Variants in PITPNM3 observed in about 807,000 individuals in gnomAD.
PITPNM3 encodes PITPNM family member 3.
In PITPNM3, 26 loss-of-function variants were observed where a neutral mutation model predicts 102.0. That is an observed-to-expected ratio of 0.25 (90% CI 0.19 to 0.35). The LOEUF (loss-of-function observed/expected upper bound fraction) is 0.35. Among genes scored for constraint, PITPNM3 ranks in the 10% least tolerant of loss-of-function variants. PITPNM3 has a pLI of 1.00. For missense variants in PITPNM3, 1,083 were observed against 1,346.1 expected, an observed-to-expected ratio of 0.80 and a Z score of 3.06; for synonymous variants, 578 against 558.6, an observed-to-expected ratio of 1.03 and a Z score of -0.49.
At position 6,478,132 on chromosome 17, in the gene PITPNM3, C is replaced by T; in HGVS notation, c.778-35G>A. 6.2e-7 allele frequency: 1 copy of T among 1,611,180 alleles called. No individual in the cohort carries two copies. Among genetic ancestry groups the T allele is most frequent in the East Asian group, 2.2e-5 (1 of 44,874 alleles). ...ATGCAGCTGGGACTGCAGGCCTGCC[C>T]ACTGCTGACCCCTCACCCCCACACC... On this transcript the variant is annotated intron_variant, in intron 7 of 19. Coordinates refer to ENST00000262483, the MANE Select transcript of PITPNM3 (RefSeq NM_031220.4). This position sits in a 1 kb window ranked among gnomAD's most constrained non-coding sequence, Gnocchi z 4.4.
chr17:6,525,930 G>A (rs1186532292), intron 2 of PITPNM3, among the ~76,000 whole-genome samples: 1 of 152,236 alleles, frequency 6.6e-6, no homozygotes. Flanking sequence ...TAGTGCAGAG[G>A]AGGTGCTCAT....
chr17:6,515,107 G>A (rs1020515306), intron 3 of PITPNM3, among the ~76,000 whole-genome samples: 2 of 152,198 alleles, frequency 1.3e-5, no homozygotes, highest in Non-Finnish European at 2.9e-5. Context: ...AAATGAAAAT[G>A]TTCTTGGGCC....
At position 6,503,544 on chromosome 17, in the gene PITPNM3, A is replaced by G. The variant is rs777675723; in HGVS notation, c.257T>C (p.Ile86Thr). 2 of 1,612,504 alleles carry G rather than the reference A, an allele frequency of 1.2e-6. No homozygotes were observed. The highest frequency in any genetic ancestry group is 4.5e-5 in the East Asian group (2 of 44,888). ...GEGTAPCTSS[I>T]LQEKQRELYR... ...TGACTCACGCTGCTTCTCCTGGAGG[A>G]TGCTGGATGTGCACGGCGCGGTCCC... Residue 86 changes from isoleucine (I) to threonine (T), a missense_variant, in exon 4 of 20, where the codon ATC becomes ACC. Around this residue, in one of 5 missense-constraint regions of PITPNM3, gnomAD observed 290 missense variants for 337.8 expected, o/e 0.86. Transcript: ENST00000262483.
Position 6,472,640 on chromosome 17 carries a change from C to T in PITPNM3, c.1429+17G>A, listed in dbSNP as rs981006340. 2 of 1,609,154 alleles carry T rather than the reference C, an allele frequency of 1.2e-6. No individual in the cohort carries two copies. Among genetic ancestry groups the T allele is most frequent in the Non-Finnish European group, 8.5e-7 (1 of 1,178,550 alleles). On this transcript the variant is annotated intron_variant, in intron 11 of 19. Transcript: ENST00000262483. This position sits in a 1 kb window ranked among gnomAD's most constrained non-coding sequence, Gnocchi z 4.1. ...ACCTCCAGCTCAGCACACTCTCTCC[C>T]ACCCCCAAGAACCTACCGAGGAGGA...
In PITPNM3 at chr17:6,469,695, C is replaced by T. The variant is rs1174629437; in HGVS notation, c.1773+565G>A. Reference sequence around the variant, plus strand: ...AGAGGCCTCATGGTTCCTCTCCTGCCGTGAAAACAGCAGCCTCAGCCTCAG... The same window carrying T: ...AGAGGCCTCATGGTTCCTCTCCTGCTGTGAAAACAGCAGCCTCAGCCTCAG... On this transcript the variant is annotated intron_variant, in intron 13 of 19. Transcript: ENST00000262483. This position sits in a 1 kb window ranked among gnomAD's most constrained non-coding sequence, Gnocchi z 4.0. Among the ~76,000 whole-genome samples, 3 of 152,202 alleles carry T rather than the reference C, an allele frequency of 2.0e-5. No individual in the cohort carries two copies. The highest frequency in any genetic ancestry group is 4.8e-5 in the African/African-American group (2 of 41,450).
intron 1 of PITPNM3, among the ~76,000 whole-genome samples, chr17:6,554,206 G>A (rs894966941): frequency 1.8e-4 from 27 of 151,396 alleles, no homozygotes; most frequent in African/African-American, 5.8e-4. Context: ...TGTAGTCCCA[G>A]TTACTTGGGA....
chr17:6,544,867 A>T (rs12941298), intron 1 of PITPNM3, among the ~76,000 whole-genome samples: 1 of 98,754 alleles, frequency 1.0e-5, no homozygotes, highest in Non-Finnish European at 2.2e-5. Flanking sequence ...ACACACACTC[A>T]CACACACACA....
In PITPNM3 at chr17:6,461,353, A is replaced by G. The variant is rs767708651; in HGVS notation, c.2490+20T>C. The G allele has an allele frequency of 1.9e-6, 3 of 1,612,606 alleles. No individual in the cohort carries two copies. Among genetic ancestry groups the G allele is most frequent in the African/African-American group, 2.7e-5 (2 of 74,812 alleles). On this transcript the variant is annotated intron_variant, in intron 18 of 19. Transcript: ENST00000262483. ...TGCGCTCTCAAGCCATGGAGTCCCCACCCCAGGATGGCCACTCACCTCCTG... is the reference window on the plus strand; with the variant it reads ...TGCGCTCTCAAGCCATGGAGTCCCCGCCCCAGGATGGCCACTCACCTCCTG...
Position 6,452,290 on chromosome 17 carries a change from C to G in PITPNM3, c.*3048G>C, listed in dbSNP as rs968076576. 1 of 152,206 alleles carries G rather than the reference C, an allele frequency of 6.6e-6. No individual in the cohort carries two copies. The highest frequency in any genetic ancestry group is 1.5e-5 in the Non-Finnish European group (1 of 68,044). 9.4% of individuals were successfully genotyped at this position (152,206 alleles called of 1,614,324 possible). A position where few individuals can be genotyped will look rare whatever the true frequency, so the allele number is the denominator to read the frequency against. On this transcript the variant is annotated 3_prime_UTR_variant, in exon 20 of 20. Coordinates refer to ENST00000262483, the MANE Select transcript of PITPNM3 (RefSeq NM_031220.4). ...TGATGCTGGAAGAGCAGGTCCTGGG[C>G]TAAGGATGCACCCTGAACCCCAACA...
chr17:6,538,051 C>G lies in PITPNM3; in HGVS notation c.54G>C (p.Trp18Cys). ...GGPPPGGGAP[W>C]HLRNVLSDSV... ...AGTCACTGAGGACATTTCGAAGGTG[C>G]CAGGGGGCACCGCCGCCCGGGGGAG... is the stretch of plus-strand genomic sequence containing the variant. The change falls in exon 2 of 20, where the codon TGG becomes TGC. Residue 18 changes from tryptophan (W) to cysteine (C), a missense_variant. Physicochemically the swap from Trp to Cys is radical, Grantham distance 215 (BLOSUM62 -2). Coordinates refer to ENST00000262483, the MANE Select transcript of PITPNM3 (RefSeq NM_031220.4). 1 of 1,613,604 alleles carries G rather than the reference C, an allele frequency of 6.2e-7. No individual in the cohort carries two copies. Among genetic ancestry groups the G allele is most frequent in the Non-Finnish European group, 8.5e-7 (1 of 1,179,604 alleles).
At chr17:6,482,087 TGACATTCTC>T in intron 6 of PITPNM3, among the ~76,000 whole-genome samples, 2 of 139,676 alleles carry the variant, frequency 1.4e-5, no homozygotes, top group Non-Finnish European at 3.1e-5. Flanking sequence ...TCTCTCTCTC[TGACATTCTC>T]CTGCCCTCCT....
At chr17:6,493,584 G>T (rs917463448) in intron 4 of PITPNM3, among the ~76,000 whole-genome samples, 2 of 152,206 alleles carry the variant, frequency 1.3e-5, no homozygotes, top group Non-Finnish European at 2.9e-5. Flanking sequence ...CACGTAGCAG[G>T]GTGCTGGGGA....
intron 2 of PITPNM3, among the ~76,000 whole-genome samples, chr17:6,530,686 TCCA>T (rs968721116): frequency 3.9e-5 from 6 of 152,068 alleles, no homozygotes; most frequent in Non-Finnish European, 8.8e-5. Flanking sequence ...AAATCCTAGA[TCCA>T]CCACCACCAC....
At chr17:6,475,184 T>C (rs1037596488) in intron 9 of PITPNM3, among the ~76,000 whole-genome samples, 1 of 152,202 alleles carries the variant, frequency 6.6e-6, no homozygotes, top group Non-Finnish European at 1.5e-5. Flanking sequence ...CAGACACAGA[T>C]GCAAACAGCT....
In PITPNM3 at chr17:6,478,823, T is replaced by C. The variant is rs1222392449; in HGVS notation, c.588-87A>G. On this transcript the variant is annotated intron_variant, in intron 6 of 19. Transcript: ENST00000262483. This position sits in a 1 kb window ranked among gnomAD's most constrained non-coding sequence, Gnocchi z 4.4. ...TGAGGATCAGGCAGAAGAGAGCACA[T>C]ACTGGCCAGGAATTGGGCTCCAGGG... 12 of 1,353,834 alleles carry C rather than the reference T, an allele frequency of 8.9e-6. No homozygotes were observed. The highest frequency in any genetic ancestry group is 2.5e-5 in the East Asian group (1 of 39,788). The allele number at this position is 1,353,834 out of a possible 1,614,324, so 83.9% of individuals were successfully genotyped here. A position where few individuals can be genotyped will look rare whatever the true frequency, so the allele number is the denominator to read the frequency against.
chr17:6,462,154 G>A (rs1443978133), intron 17 of PITPNM3, among the ~76,000 whole-genome samples: 5 of 152,168 alleles, frequency 3.3e-5, no homozygotes, highest in African/African-American at 9.7e-5. Context: ...TACCCCACAA[G>A]GTTGTCCTAA....
At position 6,468,398 on chromosome 17, in the gene PITPNM3, C is replaced by G; in HGVS notation, c.1774-57G>C. On this transcript the variant is annotated intron_variant, in intron 13 of 19. Coordinates refer to ENST00000262483, the MANE Select transcript of PITPNM3 (RefSeq NM_031220.4). The surrounding 1 kb of genome is among the most constrained non-coding windows in gnomAD (Gnocchi z 5.2). ...GTCTTCTGGCTTCTCTGCTTCCCTCCCAGGGTGTCAGTGCCCACCAGCTTG... is the reference window on the plus strand; with the variant it reads ...GTCTTCTGGCTTCTCTGCTTCCCTCGCAGGGTGTCAGTGCCCACCAGCTTG... 1 of 1,560,344 alleles carries G rather than the reference C, an allele frequency of 6.4e-7. No homozygotes were observed. Among genetic ancestry groups the G allele is most frequent in the Non-Finnish European group, 8.8e-7 (1 of 1,132,084 alleles).
intron 6 of PITPNM3, 77 bp downstream of exon 6, chr17:6,483,440 C>G: frequency 7.1e-7 from 1 of 1,401,516 alleles, no homozygotes; most frequent in Non-Finnish European, 9.9e-7. Flanking sequence ...CCCACGGGGT[C>G]CATGCTGCAG....
At position 6,474,427 on chromosome 17, in the gene PITPNM3, C is replaced by T. The variant is rs1052371143; in HGVS notation, c.1258+5G>A. 8 of 1,613,070 alleles carry T rather than the reference C, an allele frequency of 5.0e-6. No homozygotes were observed. Among genetic ancestry groups the T allele is most frequent in the African/African-American group, 2.7e-5 (2 of 75,038 alleles). On this transcript the variant is annotated splice_donor_5th_base_variant and intron_variant, in intron 10 of 19. Transcript: ENST00000262483. ...ACCTCAGGCCCCAGCCCACACCATCCCTACCGTCCAGCCCAGGCAGCACCG... is the reference window on the plus strand; with the variant it reads ...ACCTCAGGCCCCAGCCCACACCATCTCTACCGTCCAGCCCAGGCAGCACCG...
Sources: allele counts gnomAD v4.1 joint callset (sites outside exome capture counted in the v4.1 genomes callset), GRCh38; gene constraint gnomAD v4.1.1; regional missense constraint gnomAD v4.1.1; non-coding constraint Gnocchi (gnomAD v3.1); transcripts MANE v1.5; gene names NCBI Gene and HGNC (gene_info 2026-07-23, HGNC 2026-07-21).